The following COL8A1 variants were observed in gnomAD, a reference collection of about 807,000 sequenced individuals.
COL8A1 encodes the protein collagen alpha-1(VIII) chain.
A neutral mutation model predicts 42.7 loss-of-function variants in COL8A1; 21 were observed. The ratio of observed to expected loss-of-function variants is 0.49; its 90% CI spans 0.35 to 0.71. The LOEUF (loss-of-function observed/expected upper bound fraction) is 0.71. COL8A1 is among the 30% of genes least tolerant of loss of function. The pLI is 0.01. For missense variants in COL8A1, 788 were observed against 962.4 expected (o/e 0.82, Z 2.40); for synonymous variants, 367 against 369.1 (o/e 0.99, Z 0.06).
At chr3:99,641,946 A>C (rs1181505462) in intron 1 of COL8A1, among the ~76,000 whole-genome samples, 2 of 152,182 alleles carry the variant, frequency 1.3e-5, no homozygotes, top group Admixed American at 6.5e-5. Flanking sequence ...AATTTAGAGA[A>C]TCTTTCTTTT....
intron 1 of COL8A1, among the ~76,000 whole-genome samples, chr3:99,705,653 A>G (rs1375391177): frequency 1.3e-5 from 2 of 152,182 alleles, no homozygotes; most frequent in African/African-American, 4.8e-5. Context: ...ATCAATTTAT[A>G]TAACAGTCAG....
At chr3:99,664,798 C>T (rs926070287) in intron 1 of COL8A1, among the ~76,000 whole-genome samples, 6 of 152,208 alleles carry the variant, frequency 3.9e-5, no homozygotes, top group African/African-American at 1.4e-4. Flanking sequence ...TATCAACTGG[C>T]TGTCAAATAT....
chr3:99,663,279 C>T (rs1411946938), intron 1 of COL8A1, among the ~76,000 whole-genome samples: 1 of 152,158 alleles, frequency 6.6e-6, no homozygotes. Flanking sequence ...AGTCCTCTCA[C>T]CTCAGCCTCC....
intron 1 of COL8A1, among the ~76,000 whole-genome samples, chr3:99,654,111 A>G (rs777337309): frequency 2.0e-5 from 3 of 152,164 alleles, no homozygotes; most frequent in Non-Finnish European, 2.9e-5. Flanking sequence ...CTTGAAGTCC[A>G]ATGTTTGAGG....
At chr3:99,793,323 T>C (rs1398475185) in intron 3 of COL8A1, among the ~76,000 whole-genome samples, 6 of 152,226 alleles carry the variant, frequency 3.9e-5, no homozygotes, top group Non-Finnish European at 7.3e-5. Context: ...GTGATAGATA[T>C]ATTTAGCTTG....
intron 3 of COL8A1, among the ~76,000 whole-genome samples, chr3:99,793,816 ATC>A (rs1278129546): frequency 4.4e-4 from 67 of 151,614 alleles, no homozygotes; most frequent in African/African-American, 1.5e-3. Flanking sequence ...CAGTGGTGTG[ATC>A]TCAGCTCACT....
chr3:99,794,571 G>A lies in COL8A1; in HGVS notation c.670G>A (p.Asp224Asn). 1.2e-6 allele frequency: 2 copies of A among 1,613,718 alleles called. No homozygotes were observed. Among genetic ancestry groups the A allele is most frequent in the Non-Finnish European group, 1.7e-6 (2 of 1,179,788 alleles). ...ACCAGGGCAACCAGGACCAAAGGGT[G>A]ATCGAGGACCCAAAGGACTACCAGG... Reference protein sequence around the residue: ...GLPGQPGPKGDRGPKGLPGPQ... With the variant: ...GLPGQPGPKGNRGPKGLPGPQ... The change falls in exon 4 of 4, where the codon GAT (aspartate) becomes AAT (asparagine). Residue 224 changes from aspartate to asparagine, a missense_variant. Physicochemically the swap from Asp to Asn is conservative, Grantham distance 23. This residue lies in a region of COL8A1 where 421 missense variants were observed against 553.1 expected (regional missense o/e 0.76). Coordinates refer to ENST00000652472, the MANE Select transcript of COL8A1 (RefSeq NM_020351.4). The surrounding 1 kb of genome is among the most constrained non-coding windows in gnomAD (Gnocchi z 4.3).
At chr3:99,675,171 A>T (rs1321059572) in intron 1 of COL8A1, among the ~76,000 whole-genome samples, 1 of 151,868 alleles carries the variant, frequency 6.6e-6, no homozygotes. Flanking sequence ...GAAGCTTCAC[A>T]GTTGGGCTGG....
chr3:99,680,955 G>T (rs1292995105), intron 1 of COL8A1, among the ~76,000 whole-genome samples: 3 of 152,074 alleles, frequency 2.0e-5, no homozygotes, highest in African/African-American at 7.3e-5. Flanking sequence ...GCTGAAACTG[G>T]ATCCCTTCCT....
chr3:99,691,589 G>C (rs1939220180), intron 1 of COL8A1: 1 of 151,146 alleles, frequency 6.6e-6, no homozygotes, highest in South Asian at 2.1e-4. Flanking sequence ...ACACAGGTTT[G>C]CTAACTCTCT....
chr3:99,658,528 C>A (rs1576417291), intron 1 of COL8A1, among the ~76,000 whole-genome samples: 1 of 152,172 alleles, frequency 6.6e-6, no homozygotes, highest in South Asian at 2.1e-4. Flanking sequence ...CCATGGCTAG[C>A]CTGTAAACCA....
Position 99,795,617 on chromosome 3 carries a change from T to A in COL8A1, c.1716T>A (p.Ala572=), listed in dbSNP as rs202081027. The A allele has an allele frequency of 6.7e-5, 108 of 1,612,562 alleles. No homozygotes were observed. The highest frequency in any genetic ancestry group is 1.3e-4 in the Admixed American group (8 of 59,872). ...CTCCAGGACCTCCAGGACCCCCAGC[T>A]GTGATGCCCCCTACACCACCACCCC... ...PGPPGPPGPP[A]VMPPTPPPQG... Residue 572 remains alanine (A), a synonymous_variant, in exon 4 of 4, where the codon GCT becomes GCA. Coordinates refer to ENST00000652472, the MANE Select transcript of COL8A1 (RefSeq NM_020351.4).
intron 1 of COL8A1, among the ~76,000 whole-genome samples, chr3:99,706,288 C>G (rs1214996676): frequency 1.3e-5 from 2 of 152,128 alleles, no homozygotes; most frequent in Admixed American, 1.3e-4. Flanking sequence ...TTCAGGTCTT[C>G]TATTTTCCTA....
At chr3:99,667,764 C>T (rs1251402041) in intron 1 of COL8A1, among the ~76,000 whole-genome samples, 2 of 152,054 alleles carry the variant, frequency 1.3e-5, no homozygotes, top group Non-Finnish European at 2.9e-5. Flanking sequence ...AATAAAATGT[C>T]CATAAATGGG....
chr3:99,782,392 A>C (rs1327919983), intron 2 of COL8A1, among the ~76,000 whole-genome samples: 1 of 151,844 alleles, frequency 6.6e-6, no homozygotes, highest in East Asian at 1.9e-4. Flanking sequence ...TATTATTATT[A>C]TTTATTTATT....
Position 99,794,244 on chromosome 3 carries a change from A to C in COL8A1, c.343A>C (p.Ser115Arg), listed in dbSNP as rs758345238. 6.3e-7 allele frequency: 1 copy of C among 1,579,744 alleles called. No homozygotes were observed. The highest frequency in any genetic ancestry group is 8.6e-7 in the Non-Finnish European group (1 of 1,164,682). Reference sequence around the variant, plus strand: ...CTTCCCAGTAGAAATACCATTAGCCAGTTTACGAGGGGAACAAGGTCCCCG... The same window carrying C: ...CTTCCCAGTAGAAATACCATTAGCCCGTTTACGAGGGGAACAAGGTCCCCG... ...PKKGKEIPLASLRGEQGPRGE... is the reference protein window; with the variant it reads ...PKKGKEIPLARLRGEQGPRGE... Residue 115 changes from serine to arginine, a missense_variant, in exon 4 of 4, where the codon AGT becomes CGT. Around this residue, in one of 4 missense-constraint regions of COL8A1, gnomAD observed 421 missense variants for 553.1 expected, o/e 0.76. Transcript: ENST00000652472. This position sits in a 1 kb window ranked among gnomAD's most constrained non-coding sequence, Gnocchi z 4.3.
chr3:99,795,112 C>A lies in COL8A1; in HGVS notation c.1211C>A (p.Pro404Gln). 1 of 1,613,598 alleles carries A rather than the reference C, an allele frequency of 6.2e-7. No individual in the cohort carries two copies. The highest frequency in any genetic ancestry group is 8.5e-7 in the Non-Finnish European group (1 of 1,179,782). ...GGAATCCCAGGTCCTATGGGCCCTCCAGGTGCTATTGGTTTTCCTGGACCC... is the reference window on the plus strand; with the variant it reads ...GGAATCCCAGGTCCTATGGGCCCTCAAGGTGCTATTGGTTTTCCTGGACCC... ...LPGIPGPMGPPGAIGFPGPKG... is the reference protein window; with the variant it reads ...LPGIPGPMGPQGAIGFPGPKG... Residue 404 changes from proline (P) to glutamine (Q), a missense_variant, in exon 4 of 4, where the codon CCA becomes CAA. Pro to Gln is a moderately conservative substitution (Grantham distance 76). This residue lies in a region of COL8A1 where 421 missense variants were observed against 553.1 expected (regional missense o/e 0.76). Transcript: ENST00000652472.
chr3:99,641,779 C>CTA (rs1937511325), intron 1 of COL8A1, among the ~76,000 whole-genome samples: 1 of 152,148 alleles, frequency 6.6e-6, no homozygotes, highest in Admixed American at 6.6e-5. Flanking sequence ...TCTCTTCAAC[C>CTA]AGACCCCTAT....
At chr3:99,692,544 G>A (rs542782732) in intron 1 of COL8A1, among the ~76,000 whole-genome samples, 1 of 152,196 alleles carries the variant, frequency 6.6e-6, no homozygotes, top group African/African-American at 2.4e-5. Flanking sequence ...AAATCAGGAA[G>A]AGTAACAAAA....
Sources: gnomAD v4.1 joint callset for allele counts (sites outside exome capture counted in the v4.1 genomes callset) on GRCh38, gnomAD v4.1.1 for gene constraint, gnomAD v4.1.1 regional missense constraint, Gnocchi (gnomAD v3.1) non-coding constraint, MANE v1.5 for transcripts, NCBI Gene and HGNC (gene_info 2026-07-23, HGNC 2026-07-21) for gene names.